NRG3: variants seen among roughly 807,000 people sequenced by gnomAD.
NRG3 encodes neuregulin 3.
Under a neutral mutation model 66.9 loss-of-function variants are expected in NRG3, and 31 were observed. The ratio of observed to expected loss-of-function variants is 0.46; its 90% confidence interval spans 0.35 to 0.63. The LOEUF (loss-of-function observed/expected upper bound fraction) is 0.63, where lower values mean the gene tolerates loss of function less well. NRG3 is among the 20% of genes least tolerant of loss of function. The pLI, the probability that NRG3 is intolerant of heterozygous loss-of-function variation, is 0.00. For missense variants in NRG3, 910 were observed against 878.9 expected (o/e 1.04, Z -0.45); for synonymous variants, 393 against 359.4 (o/e 1.09, Z -1.06).
chr10:81,905,115 A>C (rs1844462998), intron 1 of NRG3, among the ~76,000 whole-genome samples: 1 of 152,196 alleles, frequency 6.6e-6, no homozygotes, highest in Non-Finnish European at 1.5e-5. Context: ...ACTGTATCAA[A>C]AAAGGAAAGG....
intron 2 of NRG3, among the ~76,000 whole-genome samples, chr10:82,430,208 C>A (rs2089705244): frequency 6.6e-6 from 1 of 152,030 alleles, no homozygotes; most frequent in African/African-American, 2.4e-5. Context: ...GACTATTTTT[C>A]CACATATGTT....
At chr10:82,650,804 A>T (rs905767854) in intron 2 of NRG3, among the ~76,000 whole-genome samples, 5 of 152,208 alleles carry the variant, frequency 3.3e-5, no homozygotes, top group African/African-American at 1.2e-4. Flanking sequence ...AAACAGAAAG[A>T]TTCAGTAGTC....
In NRG3 at chr10:82,887,619, C is replaced by T. The variant is rs1842834109; in HGVS notation, c.1054+22182C>T. On this transcript the variant is annotated intron_variant, in intron 4 of 8. Transcript: ENST00000372141. ...TATATTTATAGCTCATTCTGTGAAG[C>T]TAAATCCACTGTATTGAAACAGACA... Among the ~76,000 whole-genome samples the T allele has an allele frequency of 2.0e-5, 3 of 152,272 alleles. No individual in the cohort carries two copies. In the South Asian group the frequency reaches 6.2e-4, roughly 32 times the overall value.
chr10:82,431,638 A>G lies in NRG3; in HGVS notation c.953+72770A>G, dbSNP rs188846957. On this transcript the variant is annotated intron_variant, in intron 2 of 8. Coordinates refer to ENST00000372141, the MANE Select transcript of NRG3 (RefSeq NM_001010848.4). ...TCAAGTCTACAACTGCCTTGATACC[A>G]GAAATCAAGTTAGATTTATAAAAGG... 4.9e-4 allele frequency among the ~76,000 whole-genome samples: 75 copies of G among 152,318 alleles called. 1 individual carries two copies. The East Asian group carries it at 0.012, about 25-fold the overall frequency.
intron 1 of NRG3, among the ~76,000 whole-genome samples, chr10:82,125,545 T>G (rs1281753456): frequency 1.3e-5 from 2 of 152,076 alleles, no homozygotes; most frequent in Non-Finnish European, 2.9e-5. Flanking sequence ...AGATAAATTC[T>G]GAAGATCTTA....
rs534369712 is a variant in NRG3 at position 82,396,660 on chromosome 10, A to G, written c.953+37792A>G. Among the ~76,000 whole-genome samples, 172 of 152,330 alleles carry G rather than the reference A, an allele frequency of 1.1e-3. 1 individual carries two copies. The highest frequency in any genetic ancestry group is 3.8e-3 in the African/African-American group (157 of 41,574). On this transcript the variant is annotated intron_variant, in intron 2 of 8. Transcript: ENST00000372141. ...GATTTGTTGACTGAAGAGCTAGCAAAGAAGTTTGTAGCTTATGTAATTACT... is the reference window on the plus strand; with the variant it reads ...GATTTGTTGACTGAAGAGCTAGCAAGGAAGTTTGTAGCTTATGTAATTACT...
chr10:82,096,493 AAAC>A (rs1231087506), intron 1 of NRG3, among the ~76,000 whole-genome samples: 2 of 152,012 alleles, frequency 1.3e-5, no homozygotes, highest in South Asian at 2.1e-4. Flanking sequence ...AACAAAAAAA[AAAC>A]AACAACAACC....
intron 1 of NRG3, among the ~76,000 whole-genome samples, chr10:82,099,034 G>A (rs1301897031): frequency 1.3e-5 from 2 of 152,118 alleles, no homozygotes; most frequent in Non-Finnish European, 2.9e-5. Flanking sequence ...CAAAGTGCTG[G>A]GATTACAGGC....
chr10:82,761,596 C>A (rs2059306186), intron 3 of NRG3, among the ~76,000 whole-genome samples: 1 of 151,624 alleles, frequency 6.6e-6, no homozygotes, highest in African/African-American at 2.4e-5. Flanking sequence ...TCAGTAAAAA[C>A]AACATAAACC....
chr10:82,461,728 C>T (rs946261749), intron 2 of NRG3, among the ~76,000 whole-genome samples: 22 of 119,002 alleles, frequency 1.8e-4, no homozygotes, highest in African/African-American at 4.1e-4. Flanking sequence ...ATACTTGATA[C>T]AGGTGCATTG....
chr10:82,379,013 G>A (rs888974033), intron 2 of NRG3, among the ~76,000 whole-genome samples: 27 of 152,258 alleles, frequency 1.8e-4, no homozygotes, highest in Middle Eastern at 6.8e-3. Flanking sequence ...GGACACAGGT[G>A]GGAGCTAATT....
At chr10:82,385,359 C>A (rs1188883389) in intron 2 of NRG3, among the ~76,000 whole-genome samples, 2 of 151,860 alleles carry the variant, frequency 1.3e-5, no homozygotes, top group Non-Finnish European at 2.9e-5. Context: ...ATTTATTATA[C>A]CTATTTTCTT....
At chr10:82,495,849 C>A (rs377369549) in intron 2 of NRG3, among the ~76,000 whole-genome samples, 1 of 141,880 alleles carries the variant, frequency 7.0e-6, no homozygotes, top group Non-Finnish European at 1.6e-5. Context: ...CACAAAGATG[C>A]AAAATGCTGG....
intron 1 of NRG3, among the ~76,000 whole-genome samples, chr10:82,201,188 C>A (rs1274484606): frequency 9.3e-6 from 1 of 107,160 alleles, no homozygotes; most frequent in Admixed American, 1.1e-4. Flanking sequence ...CAGAGTGAGA[C>A]TCTGTCTCAA....
chr10:82,489,670 G>A (rs1318249147), intron 2 of NRG3, among the ~76,000 whole-genome samples: 1 of 152,150 alleles, frequency 6.6e-6, no homozygotes, highest in Non-Finnish European at 1.5e-5. Flanking sequence ...GGATCTTTGA[G>A]ACATGGTAGA....
chr10:82,908,988 C>T (rs894881956), intron 4 of NRG3, among the ~76,000 whole-genome samples: 1 of 152,298 alleles, frequency 6.6e-6, no homozygotes, highest in Non-Finnish European at 1.5e-5. Context: ...AGACACCACG[C>T]CCCAGATGAC....
chr10:82,725,982 A>G (rs1432105004), intron 2 of NRG3, among the ~76,000 whole-genome samples: 2 of 152,098 alleles, frequency 1.3e-5, no homozygotes, highest in African/African-American at 4.8e-5. Flanking sequence ...ATTAAGGTTA[A>G]ATGAGGTCAC....
At chr10:82,693,345 T>C (rs2055097209) in intron 2 of NRG3, among the ~76,000 whole-genome samples, 1 of 152,228 alleles carries the variant, frequency 6.6e-6, no homozygotes, top group Non-Finnish European at 1.5e-5. Flanking sequence ...ACGATGATGA[T>C]AATTGCATTT....
rs1203320727 is a variant in NRG3 at position 82,510,607 on chromosome 10, A to G, written c.953+151739A>G. On this transcript the variant is annotated intron_variant, in intron 2 of 8. Transcript: ENST00000372141. ...ATGCTACTCCATTAGAACGGAAGGA[A>G]CAAGGGGCAGAATGGTTATACCCAA... Among the ~76,000 whole-genome samples the G allele has an allele frequency of 2.0e-5, 3 of 152,240 alleles. No homozygotes were observed. In the East Asian group the frequency reaches 5.8e-4, roughly 29 times the overall value.
Sources: gnomAD v4.1 joint callset for allele counts (sites outside exome capture counted in the v4.1 genomes callset) on GRCh38, gnomAD v4.1.1 for gene constraint, MANE v1.5 for transcripts, NCBI Gene and HGNC (gene_info 2026-07-23, HGNC 2026-07-21) for gene names.